The following TSPAN10 variants were observed in gnomAD, a reference collection of about 807,000 sequenced individuals.
TSPAN10 encodes tetraspanin-10.
Under a neutral mutation model 15.0 loss-of-function variants are expected in TSPAN10, and 11 were observed. The ratio of observed to expected loss-of-function variants is 0.73; its 90% CI spans 0.46 to 1.21. The LOEUF is 1.21. Among genes scored for constraint, TSPAN10 ranks in the 50% most tolerant of loss-of-function variants. The probability of loss-of-function intolerance (pLI) is 0.00; values close to 1 mark genes in which losing one functional copy is unlikely to be tolerated. For missense variants in TSPAN10, 486 were observed against 470.6 expected (o/e 1.03, Z -0.30); for synonymous variants, 241 against 226.2 (o/e 1.07, Z -0.59).
chr17:81,642,502 A>T, intron 1 of TSPAN10, 54 bp downstream of exon 2: 2 of 1,559,136 alleles, frequency 1.3e-6, no homozygotes, highest in Non-Finnish European at 1.7e-6. Context: ...CCAGCCCTGA[A>T]GTCCTAAGGG....
chr17:81,641,100 G>T (rs1228077600), upstream of TSPAN10, among the ~76,000 whole-genome samples: 1 of 152,062 alleles, frequency 6.6e-6, no homozygotes. Context: ...AGGAGGCAGA[G>T]GTTGCGGTGA....
intron 1 of TSPAN10, among the ~76,000 whole-genome samples, chr17:81,643,276 G>A (rs1049871288): frequency 6.7e-6 from 1 of 149,134 alleles, no homozygotes. Context: ...GGGATTACAG[G>A]CATGAGCCAC....
At chr17:81,647,585 A>T in intron 2 of TSPAN10, 1 of 621,374 alleles carries the variant, frequency 1.6e-6, no homozygotes, top group South Asian at 1.5e-5. Context: ...GCCTCTGCGG[A>T]GGGAGGTCCT....
chr17:81,638,874 G>A (rs1252658115), upstream of TSPAN10: 1 of 152,118 alleles, frequency 6.6e-6, no homozygotes, highest in African/African-American at 2.4e-5. Flanking sequence ...TTAGAATCTT[G>A]TAGCCTCCAG....
upstream of TSPAN10, chr17:81,637,706 G>C (rs2036123813): frequency 4.2e-6 from 1 of 235,696 alleles, no homozygotes; most frequent in Non-Finnish European, 8.5e-6. Flanking sequence ...GGCCGAGGCA[G>C]GTGGATCACC....
upstream of TSPAN10, among the ~76,000 whole-genome samples, chr17:81,641,538 G>T (rs1038225458): frequency 1.3e-5 from 2 of 151,520 alleles, no homozygotes; most frequent in African/African-American, 4.9e-5. Flanking sequence ...GGCGTCTCAC[G>T]CGCGCCTGAA....
In TSPAN10 at chr17:81,645,180, C is replaced by CGTCA; in HGVS notation, c.226_229dup (p.Lys77SerfsTer36). The CGTCA allele has an allele frequency of 6.5e-7, 1 of 1,548,900 alleles. No homozygotes were observed. Among genetic ancestry groups the CGTCA allele is most frequent in the Non-Finnish European group, 8.7e-7 (1 of 1,154,368 alleles). On this transcript the variant is annotated frameshift_variant, in exon 2 of 3. Coordinates refer to ENST00000611590, the Ensembl canonical transcript of TSPAN10. LOFTEE classifies it high-confidence loss of function. ...CTTCCCTCTCCCCAGGGAGCAGCTG[C>CGTCA]GTCAAGTATCTGATCTTCCTCTCCA...
At chr17:81,641,680 C>G (rs1400976167), upstream of TSPAN10, among the ~76,000 whole-genome samples, 6 of 152,014 alleles carry the variant, frequency 3.9e-5, no homozygotes, top group Non-Finnish European at 5.9e-5. Context: ...CTTTGGAAGG[C>G]CAAGGCAGGA....
chr17:81,645,129 T>C, exon 2 of TSPAN10: 1 of 1,580,010 alleles, frequency 6.3e-7, no homozygotes, highest in South Asian at 1.2e-5. Context: ...AGGCCTTGAG[T>C]GGCACCCCCA....
chr17:81,641,930 A>G (rs2036181937), upstream of TSPAN10, among the ~76,000 whole-genome samples: 1 of 152,112 alleles, frequency 6.6e-6, no homozygotes, highest in Non-Finnish European at 1.5e-5. Context: ...TCATTCGTGC[A>G]GTGAACAAGC....
exon 3 of TSPAN10, chr17:81,648,107 C>T (rs1272211887): frequency 6.4e-7 from 1 of 1,568,292 alleles, no homozygotes; most frequent in African/African-American, 1.3e-5. Context: ...CTGGCTGCCT[C>T]GGGCGGCTAC....
At chr17:81,641,904 G>A (rs2036181594), upstream of TSPAN10, among the ~76,000 whole-genome samples, 1 of 127,632 alleles carries the variant, frequency 7.8e-6, no homozygotes, top group Non-Finnish European at 1.6e-5. Context: ...AGGTGATCTG[G>A]TGGGGGGACG....
exon 1 of TSPAN10, chr17:81,637,266 T>G (rs2036112864): frequency 1.9e-6 from 1 of 537,844 alleles, no homozygotes; most frequent in Non-Finnish European, 3.4e-6. Flanking sequence ...CTGCTCGTCC[T>G]CGGAAACCCA....
rs7406494 is a variant in TSPAN10, at chr17:81,648,195, G to C, written c.969G>C (p.Arg323Ser). 6.4e-6 allele frequency: 9 copies of C among 1,398,964 alleles called. No homozygotes were observed. The East Asian group carries it at 2.4e-4, about 37-fold the overall frequency. 86.7% of individuals were successfully genotyped at this position (1,398,964 alleles called of 1,614,324 possible). Residue 323 changes from arginine to serine, a missense_variant, in exon 3 of 3, where the codon AGG becomes AGC. Physicochemically the swap from Arg to Ser is moderately radical, Grantham distance 110 (BLOSUM62 -1). Transcript: ENST00000611590. ...TACTCGGGGCCCTCGCTGCCCGCAGGGGGGCGGCGTACGGCCCCGGAGCGC... is the reference window on the plus strand; with the variant it reads ...TACTCGGGGCCCTCGCTGCCCGCAGCGGGGCGGCGTACGGCCCCGGAGCGC...
At chr17:81,648,343 G>T (rs906946322), downstream of TSPAN10, 4 of 1,196,428 alleles carry the variant, frequency 3.3e-6, no homozygotes, top group East Asian at 1.0e-4. Context: ...TACAGGGGGC[G>T]CCTCCGCCCG....
At chr17:81,641,622 G>A (rs1192604074), upstream of TSPAN10, among the ~76,000 whole-genome samples, 1 of 151,994 alleles carries the variant, frequency 6.6e-6, no homozygotes, top group African/African-American at 2.4e-5. Flanking sequence ...ACTGCTGAGT[G>A]TTGGTGGCTG....
chr17:81,643,849 C>G (rs144256693), intron 1 of TSPAN10, among the ~76,000 whole-genome samples: 1 of 151,868 alleles, frequency 6.6e-6, no homozygotes. Flanking sequence ...GATGGAGTCT[C>G]GCTCTGTCAC....
chr17:81,639,905 G>A (rs1297987243), upstream of TSPAN10, among the ~76,000 whole-genome samples: 3 of 151,868 alleles, frequency 2.0e-5, no homozygotes, highest in Admixed American at 6.6e-5. Flanking sequence ...GCGTGAACCC[G>A]GGAGGCAGAG....
intron 1 of TSPAN10, 132 bp downstream of exon 2, chr17:81,642,580 G>T (rs2036188939): frequency 1.1e-6 from 1 of 894,874 alleles, no homozygotes; most frequent in South Asian, 1.7e-5. Context: ...TGCTGAGATT[G>T]GGTTGAGGGG....
Sources: gnomAD v4.1 joint callset for allele counts (sites outside exome capture counted in the v4.1 genomes callset) on GRCh38, gnomAD v4.1.1 for gene constraint, MANE v1.5 for transcripts, NCBI Gene and HGNC (gene_info 2026-07-23, HGNC 2026-07-21) for gene names.